The following TMEFF1 variants were observed in gnomAD, a reference collection of about 807,000 sequenced individuals.
TMEFF1 encodes transmembrane protein with EGF like and two follistatin like domains 1, also known as tomoregulin-1.
Under a neutral mutation model 47.5 loss-of-function variants are expected in TMEFF1, and 20 were observed. That is an observed-to-expected ratio of 0.42 (90% CI 0.30 to 0.61). The LOEUF is 0.61. Ranked by LOEUF, TMEFF1 falls within the 20% of genes least tolerant of loss-of-function variation. TMEFF1 has a pLI of 0.19. For synonymous variants in TMEFF1, 162 were observed against 166.3 expected, an observed-to-expected ratio of 0.97 and a Z score of 0.20; for missense variants, 411 against 471.1, an observed-to-expected ratio of 0.87 and a Z score of 1.18.
At chr9:100,539,031 T>G (rs575855097) in intron 5 of TMEFF1, among the ~76,000 whole-genome samples, 2 of 152,250 alleles carry the variant, frequency 1.3e-5, no homozygotes, top group East Asian at 1.9e-4. Context: ...CACAGCCTCC[T>G]GAGTAACTGG....
At chr9:100,531,614 C>T (rs1838379546) in intron 5 of TMEFF1, among the ~76,000 whole-genome samples, 1 of 152,114 alleles carries the variant, frequency 6.6e-6, no homozygotes. Flanking sequence ...AAGAACATTC[C>T]ATGCTCATGG....
rs1485028398 is a variant in TMEFF1 at position 100,523,203 on chromosome 9, C to T, written c.560+6432C>T. On this transcript the variant is annotated intron_variant, in intron 5 of 9. Transcript: ENST00000374879. Reference sequence around the variant, plus strand: ...CCTGTTATTCCCTGTGCCTGGAGTCCCATTCCTGTTTATCAGCTTATTTTA... The same window carrying T: ...CCTGTTATTCCCTGTGCCTGGAGTCTCATTCCTGTTTATCAGCTTATTTTA... Among the ~76,000 whole-genome samples, 7 of 152,148 alleles carry T rather than the reference C, an allele frequency of 4.6e-5. No homozygotes were observed. In the East Asian group the frequency reaches 1.3e-3, roughly 29 times the overall value.
chr9:100,513,358 G>C, intron 4 of TMEFF1, 25 bp downstream of exon 4: 1 of 1,550,020 alleles, frequency 6.5e-7, no homozygotes, highest in Non-Finnish European at 8.7e-7. Context: ...CCTCTTAAAG[G>C]ATATTTGCTT....
At chr9:100,509,771 C>G (rs1376272014) in intron 3 of TMEFF1, among the ~76,000 whole-genome samples, 1 of 138,136 alleles carries the variant, frequency 7.2e-6, no homozygotes, top group Non-Finnish European at 1.6e-5. Context: ...AAGACTCCAT[C>G]TCAGAAAAAA....
intron 1 of TMEFF1, among the ~76,000 whole-genome samples, chr9:100,498,298 G>C (rs993694771): frequency 2.0e-5 from 3 of 152,026 alleles, no homozygotes; most frequent in African/African-American, 7.2e-5. Context: ...TGCCTAGAAT[G>C]AATAATGATC....
chr9:100,501,048 C>T (rs969188676), intron 2 of TMEFF1, among the ~76,000 whole-genome samples: 3 of 152,136 alleles, frequency 2.0e-5, no homozygotes, highest in East Asian at 3.9e-4. Context: ...CTCTCCTTTC[C>T]GAGATTTCCC....
chr9:100,547,485 G>T (rs1838757614), intron 5 of TMEFF1, among the ~76,000 whole-genome samples: 1 of 152,084 alleles, frequency 6.6e-6, no homozygotes, highest in South Asian at 2.1e-4. Context: ...ATTGATATTT[G>T]ACATCTCCTG....
intron 1 of TMEFF1, among the ~76,000 whole-genome samples, chr9:100,488,821 A>G (rs1837497929): frequency 6.6e-6 from 1 of 152,158 alleles, no homozygotes; most frequent in Non-Finnish European, 1.5e-5. Flanking sequence ...AAAACATATT[A>G]TAATGCCTGT....
intron 8 of TMEFF1, 66 bp from the exon 9 acceptor site, chr9:100,572,452 A>G: frequency 7.0e-7 from 1 of 1,427,042 alleles, no homozygotes; most frequent in Non-Finnish European, 9.2e-7. Flanking sequence ...GTATTTTTTA[A>G]TGTAAAAGCT....
chr9:100,575,877 G>A (rs1176191200), intron 9 of TMEFF1, among the ~76,000 whole-genome samples: 1 of 151,962 alleles, frequency 6.6e-6, no homozygotes, highest in Non-Finnish European at 1.5e-5. Flanking sequence ...GATTTGTACT[G>A]CTGTTGAGAA....
At chr9:100,535,425 AT>A (rs1838484672) in intron 5 of TMEFF1, among the ~76,000 whole-genome samples, 1 of 152,140 alleles carries the variant, frequency 6.6e-6, no homozygotes, top group Non-Finnish European at 1.5e-5. Context: ...TTTTTGAATC[AT>A]CCCTTTTATT....
intron 5 of TMEFF1, among the ~76,000 whole-genome samples, chr9:100,531,950 A>G (rs1050123323): frequency 6.7e-6 from 1 of 150,100 alleles, no homozygotes; most frequent in African/African-American, 2.4e-5. Flanking sequence ...ATCTACAACT[A>G]TCTGATCTTT....
At chr9:100,531,894 T>A (rs1222092802) in intron 5 of TMEFF1, among the ~76,000 whole-genome samples, 1 of 150,616 alleles carries the variant, frequency 6.6e-6, no homozygotes, top group African/African-American at 2.4e-5. Flanking sequence ...AAAACAGAGA[T>A]ATAGATCAAT....
Position 100,541,170 on chromosome 9 carries a change from T to C in TMEFF1, c.561-6574T>C, listed in dbSNP as rs142299523. Among the ~76,000 whole-genome samples the C allele has an allele frequency of 2.8e-3, 426 of 152,220 alleles. 1 individual carries two copies. Among genetic ancestry groups the C allele is most frequent in the Middle Eastern group, 0.017 (5 of 294 alleles). Reference sequence around the variant, plus strand: ...GAGAAAAATGATGGACCTCTACCCATTTATTCATCTTCAAAAGTCTAATTC... The same window carrying C: ...GAGAAAAATGATGGACCTCTACCCACTTATTCATCTTCAAAAGTCTAATTC... On this transcript the variant is annotated intron_variant, in intron 5 of 9. Transcript: ENST00000374879.
intron 8 of TMEFF1, among the ~76,000 whole-genome samples, chr9:100,567,868 G>A (rs527647296): frequency 6.6e-6 from 1 of 152,288 alleles, no homozygotes; most frequent in Admixed American, 6.5e-5. Context: ...ACGTGGCTGG[G>A]GAGGCCTCAC....
intron 5 of TMEFF1, among the ~76,000 whole-genome samples, chr9:100,517,850 G>T (rs547022792): frequency 1.2e-4 from 19 of 152,274 alleles, no homozygotes; most frequent in African/African-American, 4.3e-4. Flanking sequence ...CTTACAGAGA[G>T]AACTGATAAT....
At chr9:100,540,544 G>A (rs1228619693) in intron 5 of TMEFF1, among the ~76,000 whole-genome samples, 3 of 150,016 alleles carry the variant, frequency 2.0e-5, no homozygotes, top group Non-Finnish European at 3.0e-5. Flanking sequence ...AGCTGGCTCC[G>A]GCCTTGGCCA....
intron 1 of TMEFF1, among the ~76,000 whole-genome samples, chr9:100,486,493 C>T (rs545624818): frequency 9.9e-5 from 15 of 152,154 alleles, no homozygotes; most frequent in Non-Finnish European, 1.8e-4. Context: ...TGGTCCGCCT[C>T]GGGCTCCCAA....
intron 5 of TMEFF1, among the ~76,000 whole-genome samples, chr9:100,530,675 C>T (rs1413398838): frequency 1.4e-4 from 21 of 152,150 alleles, no homozygotes; most frequent in Admixed American, 2.6e-4. Flanking sequence ...GAACTGGTAC[C>T]ATTCCTTCTG....
Sources: allele counts gnomAD v4.1 joint callset (sites outside exome capture counted in the v4.1 genomes callset), GRCh38; gene constraint gnomAD v4.1.1; transcripts MANE v1.5; gene names NCBI Gene and HGNC (gene_info 2026-07-23, HGNC 2026-07-21).